Variants in PDE1C observed in about 807,000 individuals in gnomAD.
PDE1C encodes the protein phosphodiesterase 1C.
PDE1C carries 62 observed loss-of-function variants against 93.1 expected under a neutral mutation model. That is an observed-to-expected ratio of 0.67 (90% CI 0.54 to 0.82). The LOEUF (loss-of-function observed/expected upper bound fraction) is 0.82, where lower values mean the gene tolerates loss of function less well. PDE1C is among the 40% of genes least tolerant of loss of function. PDE1C has a pLI of 0.00. For missense variants in PDE1C, 742 were observed against 884.6 expected (o/e 0.84, Z 2.04); for synonymous variants, 325 against 310.1 (o/e 1.05, Z -0.50).
chr7:31,985,490 C>A (rs10275837), intron 2 of PDE1C, among the ~76,000 whole-genome samples: 1 of 151,864 alleles, frequency 6.6e-6, no homozygotes, highest in African/African-American at 2.4e-5. Flanking sequence ...TGATACATAG[C>A]TATACATGTG....
the PDE1C span, among the ~76,000 whole-genome samples, chr7:31,742,771 C>A: frequency 1.3e-5 from 2 of 152,132 alleles, no homozygotes; most frequent in Non-Finnish European, 2.9e-5. Context: ...CTATTTTGAA[C>A]CTTCTTCTGA....
At chr7:31,923,078 G>T (rs961062140) in intron 2 of PDE1C, among the ~76,000 whole-genome samples, 10 of 152,186 alleles carry the variant, frequency 6.6e-5, no homozygotes, top group Non-Finnish European at 1.5e-4. Flanking sequence ...TGGGCAGGGA[G>T]AGCTGGGGGG....
chr7:32,355,618 T>C (rs933585380), intron 1 of PDE1C, among the ~76,000 whole-genome samples: 1 of 152,160 alleles, frequency 6.6e-6, no homozygotes, highest in African/African-American at 2.4e-5. Context: ...CTCTCAGCAT[T>C]CCCTCCTCTA....
chr7:31,706,641 G>T, the PDE1C span, among the ~76,000 whole-genome samples: 1 of 152,126 alleles, frequency 6.6e-6, no homozygotes, highest in East Asian at 1.9e-4. Context: ...GTAGTAAAAT[G>T]CTTTTAAGTT....
At chr7:31,737,669 G>A in the PDE1C span, among the ~76,000 whole-genome samples, 20 of 151,960 alleles carry the variant, frequency 1.3e-4, no homozygotes, top group African/African-American at 1.9e-4. Context: ...AGGTGTGGTG[G>A]TGGGTGCCTG....
intron 1 of PDE1C, among the ~76,000 whole-genome samples, chr7:32,263,967 T>C (rs1009822949): frequency 2.0e-5 from 3 of 152,186 alleles, no homozygotes; most frequent in Admixed American, 6.6e-5. Context: ...TTTTCCTCAA[T>C]ATTTCACTGT....
chr7:31,758,985 T>A (rs994996864), intron 17 of PDE1C, among the ~76,000 whole-genome samples: 7 of 152,136 alleles, frequency 4.6e-5, no homozygotes, highest in African/African-American at 1.4e-4. Context: ...ACATTTACCA[T>A]TTGCTGGGAT....
chr7:32,145,646 A>C (rs918398199), intron 3 of PDE1C, among the ~76,000 whole-genome samples: 1 of 152,192 alleles, frequency 6.6e-6, no homozygotes, highest in Non-Finnish European at 1.5e-5. Flanking sequence ...AATTATTACA[A>C]AATTATTATT....
intron 3 of PDE1C, among the ~76,000 whole-genome samples, chr7:32,107,428 A>C (rs2128753222): frequency 6.6e-6 from 1 of 152,328 alleles, no homozygotes; most frequent in Admixed American, 6.5e-5. Context: ...AACAAGGATA[A>C]GAATTGCATT....
intron 2 of PDE1C, among the ~76,000 whole-genome samples, chr7:32,026,320 C>T (rs1349064646): frequency 6.6e-6 from 1 of 152,114 alleles, no homozygotes; most frequent in Non-Finnish European, 1.5e-5. Context: ...GCTGGTAATC[C>T]ATCCTCTGGT....
intron 2 of PDE1C, among the ~76,000 whole-genome samples, chr7:32,184,540 A>T (rs1298294287): frequency 6.6e-6 from 1 of 152,186 alleles, no homozygotes; most frequent in African/African-American, 2.4e-5. Flanking sequence ...TCAGCAAACT[A>T]TTGCAAGGAC....
chr7:31,664,707 C>A, the PDE1C span, among the ~76,000 whole-genome samples: 2 of 152,184 alleles, frequency 1.3e-5, no homozygotes, highest in African/African-American at 4.8e-5. Context: ...CTCAAAGCAA[C>A]CTTTCCCTTC....
intron 1 of PDE1C, among the ~76,000 whole-genome samples, chr7:32,055,989 C>G (rs30587): frequency 0.85 from 129,758 of 152,214 alleles, 55,441 homozygotes; most frequent in Middle Eastern, 0.9. Context: ...CAAAGTGTTG[C>G]GATTACAGGC....
At chr7:32,061,292 A>T (rs1374943879) in intron 1 of PDE1C, among the ~76,000 whole-genome samples, 1 of 152,212 alleles carries the variant, frequency 6.6e-6, no homozygotes, top group East Asian at 1.9e-4. Flanking sequence ...GGTCCTTGCA[A>T]TGGGTCCTTG....
At chr7:32,206,121 G>C (rs1805477995) in intron 2 of PDE1C, among the ~76,000 whole-genome samples, 1 of 152,132 alleles carries the variant, frequency 6.6e-6, no homozygotes, top group African/African-American at 2.4e-5. Context: ...TCTGGACACA[G>C]AATTCAAACC....
intron 2 of PDE1C, among the ~76,000 whole-genome samples, chr7:31,934,250 T>C (rs1166096843): frequency 1.3e-5 from 2 of 152,214 alleles, no homozygotes; most frequent in Non-Finnish European, 2.9e-5. Context: ...CTATATTTGA[T>C]GTACATCTCT....
At chr7:32,067,703 C>T (rs111595455) in intron 1 of PDE1C, among the ~76,000 whole-genome samples, 8 of 152,204 alleles carry the variant, frequency 5.3e-5, no homozygotes, top group Non-Finnish European at 1.0e-4. Flanking sequence ...GATTTCTGTG[C>T]CCCAACCTGG....
At position 32,183,156 on chromosome 7, in the gene PDE1C, C is replaced by T. The variant is rs1803563388; in HGVS notation, c.137-13200G>A. 2.6e-5 allele frequency among the ~76,000 whole-genome samples: 4 copies of T among 152,040 alleles called. No homozygotes were observed. In the South Asian group the frequency reaches 8.3e-4, roughly 32 times the overall value. ...CTGCTCAATGAAATAAAAGAGGATA[C>T]AAACAAATGGAAGAACATTCCATGC... On this transcript the variant is annotated intron_variant, in intron 2 of 18. Transcript: ENST00000396193.
chr7:31,886,451 T>C lies in PDE1C; in HGVS notation c.129-5591A>G, dbSNP rs188890030. 5.6e-4 allele frequency among the ~76,000 whole-genome samples: 85 copies of C among 152,280 alleles called. 3 individuals carry two copies. Among genetic ancestry groups the C allele is most frequent in the African/African-American group, 2.0e-3 (83 of 41,564 alleles). On this transcript the variant is annotated intron_variant, in intron 2 of 17. Transcript: ENST00000396191. ...GGCCACACTTGAAAAACATTCAACA[T>C]TGGGTGTCTTTTGTGTGCAGGCACT...
Sources: allele counts gnomAD v4.1 joint callset (sites outside exome capture counted in the v4.1 genomes callset), GRCh38; gene constraint gnomAD v4.1.1; transcripts MANE v1.5; gene names NCBI Gene and HGNC (gene_info 2026-07-23, HGNC 2026-07-21).